DYNC2I1: variants seen among roughly 807,000 people sequenced by gnomAD.
DYNC2I1 encodes the protein dynein 2 intermediate chain 1, also known as cytoplasmic dynein 2 intermediate chain 1.
Under a neutral mutation model 133.4 loss-of-function variants are expected in DYNC2I1, and 89 were observed. That is an observed-to-expected ratio of 0.67 (90% CI 0.56 to 0.80). The LOEUF is 0.80. Ranked by LOEUF, DYNC2I1 falls within the 30% of genes least tolerant of loss-of-function variation. The pLI is 0.00. For synonymous variants in DYNC2I1, 504 were observed against 484.3 expected (o/e 1.04, Z -0.54); for missense variants, 1,291 against 1,314.5 (o/e 0.98, Z 0.28).
At chr7:158,860,637 G>A (rs1009301013) in intron 1 of DYNC2I1, among the ~76,000 whole-genome samples, 36 of 152,080 alleles carry the variant, frequency 2.4e-4, no homozygotes, top group African/African-American at 7.7e-4. Context: ...TAATTTTTAT[G>A]GTCAATGAAA....
At chr7:158,907,172 A>C (rs1846910584) in intron 11 of DYNC2I1, among the ~76,000 whole-genome samples, 1 of 152,014 alleles carries the variant, frequency 6.6e-6, no homozygotes, top group Non-Finnish European at 1.5e-5. Context: ...AAGAAAAAAA[A>C]AAAAACTAAT....
chr7:158,886,903 A>G, intron 6 of DYNC2I1, 118 bp from the exon 7 acceptor site: 4 of 927,526 alleles, frequency 4.3e-6, no homozygotes, highest in Non-Finnish European at 6.7e-6. Flanking sequence ...TCCTGGTTGT[A>G]GTAGTTCTTA....
intron 14 of DYNC2I1, among the ~76,000 whole-genome samples, chr7:158,914,978 C>G (rs890262036): frequency 2.0e-5 from 3 of 152,264 alleles, no homozygotes; most frequent in African/African-American, 7.2e-5. Context: ...GCTGTCTCAT[C>G]ACTTTCTTGT....
chr7:158,911,739 TTG>T, intron 12 of DYNC2I1, 60 bp downstream of exon 12: 1 of 1,532,892 alleles, frequency 6.5e-7, no homozygotes. Context: ...TAGGATAACT[TTG>T]TGTCTTCCTG....
upstream of DYNC2I1, among the ~76,000 whole-genome samples, chr7:158,855,185 T>C (rs904419273): frequency 6.6e-6 from 1 of 152,232 alleles, no homozygotes; most frequent in Admixed American, 6.5e-5. Context: ...ATCCATCTCC[T>C]TGAGCATTGA....
At chr7:158,854,435 A>G (rs894807827), upstream of DYNC2I1, among the ~76,000 whole-genome samples, 1 of 141,982 alleles carries the variant, frequency 7.0e-6, no homozygotes, top group African/African-American at 2.6e-5. Flanking sequence ...CTCACTCATA[A>G]GTGGGAGTTG....
chr7:158,874,606 T>C (rs1843185300), intron 3 of DYNC2I1, among the ~76,000 whole-genome samples: 1 of 152,180 alleles, frequency 6.6e-6, no homozygotes, highest in Non-Finnish European at 1.5e-5. Context: ...ACATCTCTTC[T>C]CATCTCCTTT....
chr7:158,870,017 A>G (rs1842738166), intron 2 of DYNC2I1, 109 bp downstream of exon 2: 3 of 885,584 alleles, frequency 3.4e-6, no homozygotes, highest in Non-Finnish European at 5.3e-6. Context: ...TGTGTGCCTC[A>G]TTTCAGAAGT....
chr7:158,875,651 A>G (rs1843286868), intron 3 of DYNC2I1, among the ~76,000 whole-genome samples: 1 of 152,078 alleles, frequency 6.6e-6, no homozygotes, highest in Non-Finnish European at 1.5e-5. Flanking sequence ...CCCAGGATGG[A>G]TGCCGTAGTC....
chr7:158,909,330 C>CAAAAAAAAAAAAAA (rs66565045), intron 11 of DYNC2I1, among the ~76,000 whole-genome samples: 1 of 46,728 alleles, frequency 2.1e-5, no homozygotes, highest in Non-Finnish European at 4.9e-5. Context: ...GACTCTGTCT[C>CAAAAAAAAAAAAAA]AAAAAAAAAA....
Position 158,884,605 on chromosome 7 carries a change from TG to T in DYNC2I1, c.924del (p.Thr309ProfsTer9). 6.2e-7 allele frequency: 1 copy of T among 1,613,270 alleles called. No individual in the cohort carries two copies. The highest frequency in any genetic ancestry group is 8.5e-7 in the Non-Finnish European group (1 of 1,179,592). ...ATCGAGGTGCAAGCTCAAAAAGAGATGGGACCAGCAGCCAGTAAGGATTGCA... is the reference window on the plus strand; with the variant it reads ...ATCGAGGTGCAAGCTCAAAAAGAGATGGACCAGCAGCCAGTAAGGATTGCA... ...RNRGASSKRD[G>X]TSSQHAENLV... is the part of the protein sequence containing the mutation. On this transcript the variant is annotated frameshift_variant, in exon 6 of 25. Coordinates refer to ENST00000407559, the MANE Select transcript of DYNC2I1 (RefSeq NM_018051.5). LOFTEE classifies it high-confidence loss of function.
chr7:158,879,947 A>G lies in DYNC2I1; in HGVS notation c.837A>G (p.Lys279=). The G allele has an allele frequency of 6.2e-7, 1 of 1,603,968 alleles. No homozygotes were observed. The highest frequency in any genetic ancestry group is 8.5e-7 in the Non-Finnish European group (1 of 1,177,434). ...DERHQSNVDR[K]EKSAKDEPRK... Reference sequence around the variant, plus strand: ...GGCACCAAAGCAACGTGGATAGAAAAGAGAAATCGGCAAAAGATGAGCCCA... The same window carrying G: ...GGCACCAAAGCAACGTGGATAGAAAGGAGAAATCGGCAAAAGATGAGCCCA... The change falls in exon 5 of 25, where the codon AAA becomes AAG. Residue 279 remains lysine, a synonymous_variant. Coordinates refer to ENST00000407559, the MANE Select transcript of DYNC2I1 (RefSeq NM_018051.5).
At chr7:158,858,961 TCCTCCCCTCCCCTTTCCTCCCCTCC>T (rs1299280193) in intron 1 of DYNC2I1, among the ~76,000 whole-genome samples, 6 of 32,004 alleles carry the variant, frequency 1.9e-4, no homozygotes, top group African/African-American at 9.3e-4. Flanking sequence ...CCCTCCCCTT[TCCTCCCCTCCCCTTTCCTCCCCTCC>T]CCCCCTTTCC....
chr7:158,946,009 G>A lies in DYNC2I1; in HGVS notation c.*230G>A. ...TACAAAACTTCCAGGGGAATGTAGA[G>A]CCACGTCCAGGGTGCTCTTTTCTGA... is the stretch of plus-strand genomic sequence containing the variant. On this transcript the variant is annotated 3_prime_UTR_variant, in exon 25 of 25. Coordinates refer to ENST00000407559, the MANE Select transcript of DYNC2I1 (RefSeq NM_018051.5). 2.5e-6 allele frequency: 1 copy of A among 407,154 alleles called. No homozygotes were observed. The highest frequency in any genetic ancestry group is 8.2e-5 in the South Asian group (1 of 12,134). The allele number at this position is 407,154 out of a possible 1,614,324, so 25.2% of individuals were successfully genotyped here.
chr7:158,953,384 G>T (rs1243172871), intron 4 of DYNC2I1, among the ~76,000 whole-genome samples: 1 of 152,226 alleles, frequency 6.6e-6, no homozygotes, highest in Non-Finnish European at 1.5e-5. Context: ...ACTTATGCAG[G>T]TTAGAATAAA....
chr7:158,957,353 A>T (rs534703202), downstream of DYNC2I1, among the ~76,000 whole-genome samples: 2 of 152,312 alleles, frequency 1.3e-5, no homozygotes, highest in East Asian at 3.9e-4. Flanking sequence ...GACTGAGCCC[A>T]CTGCTGCCCA....
At chr7:158,910,181 A>T (rs559047144) in intron 11 of DYNC2I1, among the ~76,000 whole-genome samples, 1 of 152,270 alleles carries the variant, frequency 6.6e-6, no homozygotes, top group Non-Finnish European at 1.5e-5. Context: ...GGTGAAACTT[A>T]GGAAAGGAAA....
At chr7:158,922,153 A>G (rs573165281) in intron 15 of DYNC2I1, among the ~76,000 whole-genome samples, 3 of 152,308 alleles carry the variant, frequency 2.0e-5, no homozygotes, top group Admixed American at 1.3e-4. Flanking sequence ...CTTGGGCTGC[A>G]TGTGACCACA....
At chr7:158,882,459 T>G (rs1487072722) in intron 5 of DYNC2I1, among the ~76,000 whole-genome samples, 2 of 152,052 alleles carry the variant, frequency 1.3e-5, no homozygotes, top group Non-Finnish European at 2.9e-5. Flanking sequence ...GGCACACAGC[T>G]GTAGTCCCAG....
Sources: allele counts gnomAD v4.1 joint callset (sites outside exome capture counted in the v4.1 genomes callset), GRCh38; gene constraint gnomAD v4.1.1; transcripts MANE v1.5; gene names NCBI Gene and HGNC (gene_info 2026-07-23, HGNC 2026-07-21).